Variants in XRRA1 observed in about 807,000 individuals in gnomAD.
XRRA1 encodes the protein X-ray radiation resistance-associated protein 1.
In XRRA1, 69 loss-of-function variants were observed where a neutral mutation model predicts 80.2. The observed-to-expected ratio is 0.86, with a 90% CI of 0.71 to 1.05. The LOEUF is 1.05. XRRA1 is among the 50% of genes least tolerant of loss of function. XRRA1 has a pLI of 0.00. For missense variants in XRRA1, 967 were observed against 976.4 expected (o/e 0.99, Z 0.13); for synonymous variants, 348 against 389.9 (o/e 0.89, Z 1.27).
chr11:74,890,767 A>C (rs939293407), intron 10 of XRRA1, among the ~76,000 whole-genome samples: 3 of 152,252 alleles, frequency 2.0e-5, no homozygotes, highest in African/African-American at 7.2e-5. Flanking sequence ...AGAGAATACT[A>C]TAAACACCTC....
intron 4 of XRRA1, 123 bp from the exon 5 acceptor site, chr11:74,933,995 A>G: frequency 1.4e-6 from 1 of 732,412 alleles, no homozygotes; most frequent in Non-Finnish European, 2.2e-6. Context: ...TTGTTCATTC[A>G]TTCATTCATT....
intron 8 of XRRA1, chr11:74,910,025 G>C (rs2055501001): frequency 6.6e-6 from 1 of 152,330 alleles, no homozygotes; most frequent in African/African-American, 2.4e-5. Context: ...GTATGGTAAA[G>C]GGGGATTTCT....
chr11:74,940,706 G>C (rs1199703498), intron 3 of XRRA1, 79 bp downstream of exon 3: 5 of 1,192,726 alleles, frequency 4.2e-6, no homozygotes, highest in African/African-American at 1.5e-5. Context: ...AGGGGTTGGA[G>C]AAGAACAAGT....
chr11:74,946,119 G>A (rs1213748349), intron 1 of XRRA1, among the ~76,000 whole-genome samples: 1 of 151,926 alleles, frequency 6.6e-6, no homozygotes, highest in Non-Finnish European at 1.5e-5. Context: ...GTGCTACCAT[G>A]CCCAGCTAAA....
Position 74,850,532 on chromosome 11 carries a change from A to G in XRRA1, c.1380+556T>C, listed in dbSNP as rs534115211. On this transcript the variant is annotated intron_variant, in intron 14 of 18. Transcript: ENST00000684022. ...CTCAGCCCACCTTTTGGCTGTAGAA[A>G]GACTAAAGTTCAGGAGGGAGGAGCA... Among the ~76,000 whole-genome samples the G allele has an allele frequency of 1.0e-3, 157 of 152,322 alleles. 2 individuals carry two copies. Among genetic ancestry groups the G allele is most frequent in the Non-Finnish European group, 4.0e-4 (27 of 68,030 alleles).
intron 10 of XRRA1, among the ~76,000 whole-genome samples, chr11:74,884,485 G>A (rs527910604): frequency 1.4e-4 from 21 of 152,272 alleles, no homozygotes; most frequent in African/African-American, 5.1e-4. Flanking sequence ...TAGTGTCTAT[G>A]CACACCTGGT....
chr11:74,933,961 A>C, intron 4 of XRRA1, 89 bp from the exon 5 acceptor site: 1 of 1,132,012 alleles, frequency 8.8e-7, no homozygotes, highest in Non-Finnish European at 1.3e-6. Flanking sequence ...TTGGGCAATC[A>C]TATACTTGTC....
chr11:74,841,811 A>G lies in XRRA1; in HGVS notation c.*1389T>C, dbSNP rs1001554643. 2.6e-5 allele frequency: 4 copies of G among 152,176 alleles called. No individual in the cohort carries two copies. The highest frequency in any genetic ancestry group is 3.2e-3 in the Middle Eastern group (1 of 316). The allele number at this position is 152,176 out of a possible 1,614,324, so 9.4% of individuals were successfully genotyped here. A position where few individuals can be genotyped will look rare whatever the true frequency, so the allele number is the denominator to read the frequency against. On this transcript the variant is annotated 3_prime_UTR_variant, in exon 19 of 19. Transcript: ENST00000684022. ...GAGTAGCTGTTGGCCCTGGTTCCAG[A>G]TTAATATAGCAGCAGGCAGATTGCC...
rs373631817 is a variant in XRRA1, at chr11:74,937,119, G to A, written c.95-51C>T. On this transcript the variant is annotated intron_variant, in intron 3 of 18. Coordinates refer to ENST00000684022, the MANE Select transcript of XRRA1 (RefSeq NM_001378157.1). ...AAGGGGAAAACTCCAAAGCTACAAC[G>A]AGTGCAGTTATAGACTTTGTTTATA... 43 of 1,564,600 alleles carry A rather than the reference G, an allele frequency of 2.7e-5. No homozygotes were observed. In the African/African-American group the frequency reaches 4.8e-4, roughly 17 times the overall value.
chr11:74,845,764 T>C (rs1169508005), intron 15 of XRRA1: 3 of 156,256 alleles, frequency 1.9e-5, no homozygotes, highest in Admixed American at 6.2e-5. Context: ...TAAGGACCAT[T>C]ATATGCCAAG....
At chr11:74,861,632 A>G (rs2042327350) in intron 11 of XRRA1, among the ~76,000 whole-genome samples, 1 of 152,240 alleles carries the variant, frequency 6.6e-6, no homozygotes, top group South Asian at 2.1e-4. Flanking sequence ...TACATAATAA[A>G]TGTAATGCAC....
intron 10 of XRRA1, among the ~76,000 whole-genome samples, chr11:74,890,558 G>C (rs2050376534): frequency 1.3e-5 from 2 of 152,158 alleles, no homozygotes; most frequent in Admixed American, 1.3e-4. Context: ...GATCAGAGCA[G>C]AACTGAAGGA....
chr11:74,895,697 AAAG>A (rs2052123866), intron 10 of XRRA1, among the ~76,000 whole-genome samples: 1 of 152,218 alleles, frequency 6.6e-6, no homozygotes, highest in African/African-American at 2.4e-5. Context: ...GAGAGCTAGT[AAAG>A]AAGATTTCGT....
In XRRA1 at chr11:74,936,919, C is replaced by T. The variant is rs779474552; in HGVS notation, c.244G>A (p.Asp82Asn). Residue 82 changes from aspartate to asparagine, a missense_variant, in exon 4 of 19, where the codon GAC becomes AAC. Asp to Asn is a conservative substitution (Grantham distance 23, BLOSUM62 1). Coordinates refer to ENST00000684022, the MANE Select transcript of XRRA1 (RefSeq NM_001378157.1). The part of the protein sequence containing the change: ...KKESRRENQV[D>N]LPGHILDQAF... ...TGGTCCAGGATATGTCCAGGAAGGT[C>T]CACCTGATTTTCCCGCCGAGACTCT... The T allele has an allele frequency of 5.0e-6, 8 of 1,613,640 alleles. No homozygotes were observed. The South Asian group carries it at 8.8e-5, about 18-fold the overall frequency.
intron 10 of XRRA1, among the ~76,000 whole-genome samples, chr11:74,866,475 T>C (rs1354442036): frequency 6.6e-6 from 1 of 151,814 alleles, no homozygotes; most frequent in Non-Finnish European, 1.5e-5. Context: ...AGGCTGGTCT[T>C]GAACTCCTGG....
chr11:74,878,599 C>G (rs1329009968), intron 10 of XRRA1, among the ~76,000 whole-genome samples: 1 of 150,904 alleles, frequency 6.6e-6, no homozygotes, highest in African/African-American at 2.5e-5. Context: ...GGTTTTAGGT[C>G]TAACGTTTAA....
At chr11:74,919,806 G>T (rs1442727912) in intron 8 of XRRA1, 1 of 420,174 alleles carries the variant, frequency 2.4e-6, no homozygotes, top group Non-Finnish European at 4.6e-6. Flanking sequence ...AGGCTGTCTG[G>T]GCCAAAGGAA....
intron 15 of XRRA1, among the ~76,000 whole-genome samples, chr11:74,845,662 T>C (rs1287675711): frequency 6.6e-6 from 1 of 152,172 alleles, no homozygotes; most frequent in African/African-American, 2.4e-5. Context: ...GTAAGAAACA[T>C]CAAGGTGCAT....
At chr11:74,929,510 C>T (rs546242118) in intron 6 of XRRA1, among the ~76,000 whole-genome samples, 5 of 152,290 alleles carry the variant, frequency 3.3e-5, no homozygotes, top group East Asian at 1.9e-4. Context: ...AATTCACTCC[C>T]GGTCCTTGAT....
Sources: gnomAD v4.1 joint callset for allele counts (sites outside exome capture counted in the v4.1 genomes callset) on GRCh38, gnomAD v4.1.1 for gene constraint, MANE v1.5 for transcripts, NCBI Gene and HGNC (gene_info 2026-07-23, HGNC 2026-07-21) for gene names.